The following CCDC171 variants were observed in gnomAD, a reference collection of about 807,000 sequenced individuals.
CCDC171 encodes coiled-coil domain-containing protein 171.
A neutral mutation model predicts 168.2 loss-of-function variants in CCDC171; 177 were observed. The ratio of observed to expected loss-of-function variants is 1.05; its 90% CI spans 0.93 to 1.19. The LOEUF is 1.19. Among genes scored for constraint, CCDC171 ranks in the 50% most tolerant of loss-of-function variants. The pLI is 0.00. For missense variants in CCDC171, 1,991 were observed against 1,539.0 expected, an observed-to-expected ratio of 1.29 and a Z score of -4.91; for synonymous variants, 687 against 540.8, an observed-to-expected ratio of 1.27 and a Z score of -3.75.
At chr9:15,554,890 A>T (rs574812448) in intron 1 of CCDC171, among the ~76,000 whole-genome samples, 3 of 152,242 alleles carry the variant, frequency 2.0e-5, no homozygotes, top group African/African-American at 7.2e-5. Flanking sequence ...AGATGTTGGG[A>T]TTAAATGAGA....
chr9:16,002,340 T>A (rs1038586979), intron 3 of CCDC171, among the ~76,000 whole-genome samples: 3 of 152,074 alleles, frequency 2.0e-5, no homozygotes, highest in East Asian at 3.9e-4. Context: ...ATACTGATGA[T>A]CTTCACCCTG....
At chr9:15,613,244 TTAG>T (rs2131882242) in intron 6 of CCDC171, among the ~76,000 whole-genome samples, 1 of 152,326 alleles carries the variant, frequency 6.6e-6, no homozygotes, top group East Asian at 1.9e-4. Flanking sequence ...GATAACCATC[TTAG>T]TGGCATGAAA....
intron 8 of CCDC171, among the ~76,000 whole-genome samples, chr9:15,665,274 C>T (rs949843707): frequency 5.9e-5 from 9 of 152,002 alleles, no homozygotes; most frequent in Admixed American, 3.3e-4. Context: ...CTACAGGCGC[C>T]GGCTGCCTCC....
At chr9:15,787,909 A>G (rs889350765) in intron 21 of CCDC171, among the ~76,000 whole-genome samples, 5 of 152,188 alleles carry the variant, frequency 3.3e-5, no homozygotes, top group Non-Finnish European at 7.4e-5. Context: ...TTTATGATTC[A>G]TGTCCTATTA....
chr9:16,041,603 T>G (rs1833573242), upstream of CCDC171, among the ~76,000 whole-genome samples: 1 of 152,202 alleles, frequency 6.6e-6, no homozygotes, highest in Non-Finnish European at 1.5e-5. Context: ...ATTTTTTCTT[T>G]TAGCCTACCT....
chr9:15,646,363 C>G (rs1006746534), intron 7 of CCDC171, among the ~76,000 whole-genome samples: 2 of 152,154 alleles, frequency 1.3e-5, no homozygotes, highest in African/African-American at 4.8e-5. Context: ...AAATAACCAG[C>G]TAACATCATA....
chr9:15,665,431 A>G (rs182261872), intron 8 of CCDC171, among the ~76,000 whole-genome samples: 11 of 152,346 alleles, frequency 7.2e-5, no homozygotes, highest in African/African-American at 2.4e-5. Context: ...TTAGGCTTAT[A>G]AAGATACTCA....
At chr9:15,977,007 C>T (rs899615799), downstream of CCDC171, among the ~76,000 whole-genome samples, 7 of 152,212 alleles carry the variant, frequency 4.6e-5, no homozygotes, top group Middle Eastern at 0.01. Flanking sequence ...AAAAATAAAG[C>T]CTCTGGTTCT....
At chr9:15,699,461 A>T (rs2051502713) in intron 11 of CCDC171, among the ~76,000 whole-genome samples, 1 of 152,040 alleles carries the variant, frequency 6.6e-6, no homozygotes, top group South Asian at 2.1e-4. Context: ...GCCTCTTTTT[A>T]TTCTCTTATC....
At chr9:15,791,894 GAA>G (rs2058288265) in intron 21 of CCDC171, among the ~76,000 whole-genome samples, 1 of 152,152 alleles carries the variant, frequency 6.6e-6, no homozygotes, top group Non-Finnish European at 1.5e-5. Flanking sequence ...CAGAAAAGCT[GAA>G]AATTCTAAAA....
intron 6 of CCDC171, among the ~76,000 whole-genome samples, chr9:15,598,589 T>C (rs2042569998): frequency 6.6e-6 from 1 of 152,196 alleles, no homozygotes. Flanking sequence ...AATTTTGGAA[T>C]AGGTGTGGTG....
At chr9:15,814,475 CTG>C (rs1027090877) in intron 21 of CCDC171, among the ~76,000 whole-genome samples, 2 of 152,108 alleles carry the variant, frequency 1.3e-5, no homozygotes, top group African/African-American at 4.8e-5. Flanking sequence ...AGTACAGAAA[CTG>C]TTACTTCCTT....
At chr9:15,835,300 A>T (rs2060395290) in intron 21 of CCDC171, among the ~76,000 whole-genome samples, 1 of 152,236 alleles carries the variant, frequency 6.6e-6, no homozygotes, top group Non-Finnish European at 1.5e-5. Flanking sequence ...AAAATGTTAT[A>T]TAACTGAGCA....
downstream of CCDC171, among the ~76,000 whole-genome samples, chr9:15,975,426 A>G (rs781173137): frequency 2.6e-5 from 4 of 152,212 alleles, no homozygotes; most frequent in African/African-American, 4.8e-5. Flanking sequence ...TTTGATAAGT[A>G]TGTTTTGGTT....
At chr9:15,587,691 G>A (rs2041670816) in intron 4 of CCDC171, 1 of 456,586 alleles carries the variant, frequency 2.2e-6, no homozygotes, top group Non-Finnish European at 4.4e-6. Flanking sequence ...CAGATTCTAG[G>A]TGGTGGGTAT....
intron 1 of CCDC171, among the ~76,000 whole-genome samples, chr9:15,557,647 T>C (rs2038920279): frequency 6.6e-6 from 1 of 152,150 alleles, no homozygotes; most frequent in African/African-American, 2.4e-5. Context: ...GCTGAGACGA[T>C]GGGGTTTTCT....
chr9:15,846,269 C>G (rs1486246400), intron 21 of CCDC171, among the ~76,000 whole-genome samples: 1 of 152,014 alleles, frequency 6.6e-6, no homozygotes, highest in Non-Finnish European at 1.5e-5. Flanking sequence ...ATATCCTGGT[C>G]TATCATTTTC....
intron 9 of CCDC171, among the ~76,000 whole-genome samples, chr9:15,674,815 G>T (rs1405191516): frequency 6.6e-6 from 1 of 152,188 alleles, no homozygotes; most frequent in Non-Finnish European, 1.5e-5. Flanking sequence ...GCAACGTGGT[G>T]TTGAGAAGAA....
intron 25 of CCDC171, among the ~76,000 whole-genome samples, chr9:15,942,384 C>T (rs762866551): frequency 3.5e-4 from 53 of 151,782 alleles, no homozygotes; most frequent in Admixed American, 4.6e-4. Context: ...TTAATAAGGT[C>T]GTCTGGTATG....
Sources: allele counts gnomAD v4.1 joint callset (sites outside exome capture counted in the v4.1 genomes callset), GRCh38; gene constraint gnomAD v4.1.1; transcripts MANE v1.5; gene names NCBI Gene and HGNC (gene_info 2026-07-23, HGNC 2026-07-21).